The following DENND2C variants were observed in gnomAD, a reference collection of about 807,000 sequenced individuals.
The protein encoded by DENND2C is DENN domain-containing protein 2C.
In DENND2C, 72 loss-of-function variants were observed where a neutral mutation model predicts 112.4. The ratio of observed to expected loss-of-function variants is 0.64; its 90% CI spans 0.53 to 0.78. The LOEUF is 0.78. DENND2C is among the 30% of genes least tolerant of loss of function. The probability of loss-of-function intolerance (pLI) is 0.00; values close to 1 mark genes in which losing one functional copy is unlikely to be tolerated. For synonymous variants in DENND2C, 329 were observed against 381.6 expected (o/e 0.86, Z 1.61); for missense variants, 992 against 1,113.8 (o/e 0.89, Z 1.56).
chr1:114,668,779 T>C (rs1657712161), intron 1 of DENND2C, among the ~76,000 whole-genome samples: 1 of 152,130 alleles, frequency 6.6e-6, no homozygotes, highest in Non-Finnish European at 1.5e-5. Flanking sequence ...TGGCTATATA[T>C]TAACAATATT....
At chr1:114,599,649 C>T (rs1377051232) in intron 15 of DENND2C, among the ~76,000 whole-genome samples, 198 bp from the exon 16 acceptor site, 1 of 152,134 alleles carries the variant, frequency 6.6e-6, no homozygotes, top group Non-Finnish European at 1.5e-5. Flanking sequence ...TAATCCAGCT[C>T]ATTTCCACAA....
At chr1:114,652,160 C>T (rs994052829) in intron 2 of DENND2C, among the ~76,000 whole-genome samples, 2 of 152,092 alleles carry the variant, frequency 1.3e-5, no homozygotes, top group Non-Finnish European at 2.9e-5. Flanking sequence ...ACACAGCACC[C>T]TGACTGAATG....
At chr1:114,632,864 G>T (rs1656533352) in intron 3 of DENND2C, among the ~76,000 whole-genome samples, 1 of 151,972 alleles carries the variant, frequency 6.6e-6, no homozygotes, top group African/African-American at 2.4e-5. Flanking sequence ...CAACTCGTAT[G>T]CAGGATCACG....
At position 114,583,247 on chromosome 1, in the gene DENND2C, C is replaced by T. The variant is rs766970641; in HGVS notation, c.*2353G>A. The T allele has an allele frequency of 2.6e-5, 4 of 152,170 alleles. No individual in the cohort carries two copies. The allele number at this position is 152,170 out of a possible 1,614,324, so 9.4% of individuals were successfully genotyped here. ...CCACATCTGTAGGAATTATATTATA[C>T]AGCACCAGTCTTAAATGGTGTTCTG... On this transcript the variant is annotated 3_prime_UTR_variant, in exon 21 of 21. Coordinates refer to ENST00000393274, the MANE Select transcript of DENND2C (RefSeq NM_001256404.2).
intron 9 of DENND2C, among the ~76,000 whole-genome samples, chr1:114,609,218 C>T (rs75174096): frequency 0.028 from 4,296 of 152,284 alleles, 91 homozygotes; most frequent in Non-Finnish European, 0.044. Context: ...CACGAAAAAG[C>T]GCTAGACTGA....
chr1:114,635,026 T>TAAAAAAAA (rs374636363), intron 3 of DENND2C, among the ~76,000 whole-genome samples: 3 of 94,686 alleles, frequency 3.2e-5, no homozygotes, highest in African/African-American at 4.7e-5. Context: ...AGACTCCGTC[T>TAAAAAAAA]AAAAAAAAAA....
At position 114,594,536 on chromosome 1, in the gene DENND2C, C is replaced by G. The variant is rs752324079; in HGVS notation, c.2368G>C (p.Ala790Pro). The G allele has an allele frequency of 6.2e-7, 1 of 1,613,738 alleles. No individual in the cohort carries two copies. Among genetic ancestry groups the G allele is most frequent in the East Asian group, 2.2e-5 (1 of 44,862 alleles). ...DEILPPKLQA[A>P]LMQILEERNE... is the part of the protein sequence containing the mutation. ...CGTTCTTCCAAAATCTGCATCAGGGCAGCTTGAAGTTTTGGTGGTAGAATT... is the reference window on the plus strand; with the variant it reads ...CGTTCTTCCAAAATCTGCATCAGGGGAGCTTGAAGTTTTGGTGGTAGAATT... Residue 790 changes from alanine (A) to proline (P), a missense_variant, in exon 18 of 21, where the codon GCC becomes CCC. By Grantham distance (27) the Ala-to-Pro change is conservative. Around this residue, in one of 3 missense-constraint regions of DENND2C, gnomAD observed 516 missense variants for 623.6 expected, o/e 0.83. Transcript: ENST00000393274.
chr1:114,601,373 G>A (rs1196001105), intron 13 of DENND2C, 135 bp downstream of exon 13: 4 of 827,170 alleles, frequency 4.8e-6, no homozygotes, highest in Non-Finnish European at 7.7e-6. Flanking sequence ...AGAGATGTAA[G>A]TTTAAGCCTT....
chr1:114,640,004 T>G (rs942728972), intron 3 of DENND2C, among the ~76,000 whole-genome samples: 3 of 152,252 alleles, frequency 2.0e-5, no homozygotes, highest in South Asian at 2.1e-4. Flanking sequence ...AATTTCTTTG[T>G]ATCTCTCCTG....
chr1:114,636,660 C>A (rs1412017588), intron 3 of DENND2C, among the ~76,000 whole-genome samples: 1 of 152,016 alleles, frequency 6.6e-6, no homozygotes, highest in Non-Finnish European at 1.5e-5. Context: ...GAGTGAAACC[C>A]TGTCTCAAAC....
At position 114,623,740 on chromosome 1, in the gene DENND2C, T is replaced by C. The variant is rs944495778; in HGVS notation, c.807-97A>G. On this transcript the variant is annotated intron_variant, in intron 4 of 20. Coordinates refer to ENST00000393274, the MANE Select transcript of DENND2C (RefSeq NM_001256404.2). ...TATTTATTTGTTTGATTGTTTGTTT[T>C]ATTATTATTTTTTGAGACAGAATCT... 6 of 795,496 alleles carry C rather than the reference T, an allele frequency of 7.5e-6. No homozygotes were observed. In the South Asian group the frequency reaches 1.1e-4, roughly 15 times the overall value. The allele number at this position is 795,496 out of a possible 1,614,324, so 49.3% of individuals were successfully genotyped here.
rs41274120 is a variant in DENND2C, at chr1:114,588,723, T to C, written c.2432-771A>G. Among the ~76,000 whole-genome samples, 1,132 of 152,164 alleles carry C rather than the reference T, an allele frequency of 7.4e-3. 8 individuals carry two copies. Among genetic ancestry groups the C allele is most frequent in the South Asian group, 0.027 (129 of 4,824 alleles). ...CCATTATATTTCCCCACCAAATAAG[T>C]TTCCCTCTCAATATTCCCATTTTTT... On this transcript the variant is annotated intron_variant, in intron 18 of 20. Coordinates refer to ENST00000393274, the MANE Select transcript of DENND2C (RefSeq NM_001256404.2).
At chr1:114,623,752 T>G in intron 4 of DENND2C, 109 bp from the exon 5 acceptor site, 1 of 998,768 alleles carries the variant, frequency 1.0e-6, no homozygotes, top group Non-Finnish European at 1.4e-6. Context: ...TTATTATTTT[T>G]TGAGACAGAA....
chr1:114,626,203 C>A lies in DENND2C; in HGVS notation c.-204-15G>T. The stretch of plus-strand genomic sequence containing the variant: ...CTTGAATAATCCTGTTAAAATGACA[C>A]AAAAATATGTTAACACATTTTATAA... On this transcript the variant is annotated splice_polypyrimidine_tract_variant and intron_variant, in intron 3 of 20. Transcript: ENST00000393274. The A allele has an allele frequency of 2.2e-6, 1 of 459,596 alleles. No individual in the cohort carries two copies. Among genetic ancestry groups the A allele is most frequent in the Non-Finnish European group, 3.8e-6 (1 of 260,702 alleles). The allele number at this position is 459,596 out of a possible 1,614,324, so 28.5% of individuals were successfully genotyped here.
intron 2 of DENND2C, among the ~76,000 whole-genome samples, chr1:114,649,980 T>A (rs1157563311): frequency 1.3e-5 from 2 of 152,178 alleles, no homozygotes. Flanking sequence ...GCAATTACAG[T>A]GTATACATAA....
In DENND2C at chr1:114,625,887, T is replaced by C; in HGVS notation, c.98A>G (p.Asn33Ser). 1 of 1,614,140 alleles carries C rather than the reference T, an allele frequency of 6.2e-7. No individual in the cohort carries two copies. The highest frequency in any genetic ancestry group is 8.5e-7 in the Non-Finnish European group (1 of 1,179,998). The change falls in exon 4 of 21, where the codon AAT becomes AGT. Residue 33 changes from asparagine (N) to serine (S), a missense_variant. Asn to Ser is a conservative substitution (Grantham distance 46). Coordinates refer to ENST00000393274, the MANE Select transcript of DENND2C (RefSeq NM_001256404.2). ...CCACTTTTCTGGATTAGATATACCA[T>C]TAGCCCTTCCTTCCCATTGAGAAAT... ...QKISQWEGRA[N>S]GISNPEKWCP...
chr1:114,598,151 G>A (rs976528680), intron 16 of DENND2C, among the ~76,000 whole-genome samples: 6 of 152,182 alleles, frequency 3.9e-5, no homozygotes, highest in African/African-American at 1.4e-4. Context: ...AACTGCATGT[G>A]TGTATGCACT....
intron 6 of DENND2C, among the ~76,000 whole-genome samples, chr1:114,622,518 A>G (rs1211602176): frequency 6.6e-6 from 1 of 152,196 alleles, no homozygotes; most frequent in African/African-American, 2.4e-5. Context: ...TGAAGATAAC[A>G]TAATTTCTTT....
At chr1:114,634,181 G>A (rs942563025) in intron 3 of DENND2C, among the ~76,000 whole-genome samples, 2 of 152,150 alleles carry the variant, frequency 1.3e-5, no homozygotes, top group Admixed American at 1.3e-4. Context: ...AATTTTAGTT[G>A]GGGATTTTAA....
Sources: allele counts gnomAD v4.1 joint callset (sites outside exome capture counted in the v4.1 genomes callset), GRCh38; gene constraint gnomAD v4.1.1; regional missense constraint gnomAD v4.1.1; transcripts MANE v1.5; gene names NCBI Gene and HGNC (gene_info 2026-07-23, HGNC 2026-07-21).